Variants in BIN2 observed in about 807,000 individuals in gnomAD.
The protein encoded by BIN2 is bridging integrator 2, also known as breast cancer associated protein BRAP1.
Under a neutral mutation model 67.9 loss-of-function variants are expected in BIN2, and 43 were observed. The ratio of observed to expected loss-of-function variants is 0.63; its 90% confidence interval spans 0.50 to 0.82. The LOEUF is 0.82. Among genes scored for constraint, BIN2 ranks in the 40% least tolerant of loss-of-function variants. BIN2 has a pLI of 0.00. For synonymous variants in BIN2, 244 were observed against 246.8 expected, an observed-to-expected ratio of 0.99 and a Z score of 0.11; for missense variants, 581 against 671.6, an observed-to-expected ratio of 0.87 and a Z score of 1.49.
At chr12:51,323,922 G>T in intron 1 of BIN2, 100 bp downstream of exon 1, 1 of 1,467,432 alleles carries the variant, frequency 6.8e-7, no homozygotes, top group East Asian at 2.5e-5. Flanking sequence ...CAGACCCTTC[G>T]GGGCCCCTGA....
intron 5 of BIN2, among the ~76,000 whole-genome samples, chr12:51,301,591 C>T (rs1945726385): frequency 6.6e-6 from 1 of 152,100 alleles, no homozygotes; most frequent in African/African-American, 2.4e-5. Flanking sequence ...TCACTGCAAC[C>T]TCTCCCTCCC....
At chr12:51,289,740 G>C (rs1400431856) in intron 10 of BIN2, among the ~76,000 whole-genome samples, 1 of 151,618 alleles carries the variant, frequency 6.6e-6, no homozygotes, top group Non-Finnish European at 1.5e-5. Flanking sequence ...TTTGAGATAG[G>C]GTCTCACTCT....
chr12:51,305,309 T>A (rs7316604), intron 2 of BIN2, among the ~76,000 whole-genome samples: 18,981 of 142,066 alleles, frequency 0.13, 1,285 homozygotes, highest in East Asian at 0.24. Flanking sequence ...ATCTCAAAAA[T>A]AAATAAATAA....
intron 7 of BIN2, among the ~76,000 whole-genome samples, chr12:51,298,806 C>T (rs1025846328): frequency 3.3e-5 from 5 of 152,020 alleles, no homozygotes; most frequent in South Asian, 2.1e-4. Context: ...TGGTGGCTCA[C>T]GCCTGTAATC....
intron 1 of BIN2, among the ~76,000 whole-genome samples, chr12:51,315,174 A>T (rs112614027): frequency 0.071 from 10,351 of 146,122 alleles, 769 homozygotes; most frequent in African/African-American, 0.15. Context: ...TATTATTATT[A>T]TTTTTTTTTT....
chr12:51,304,345 A>G (rs754084508), intron 2 of BIN2: 1 of 152,260 alleles, frequency 6.6e-6, no homozygotes, highest in Non-Finnish European at 1.5e-5. Context: ...CTTGAAGACA[A>G]CTTGCATGTG....
intron 10 of BIN2, among the ~76,000 whole-genome samples, chr12:51,290,394 G>T (rs1945351123): frequency 6.6e-6 from 1 of 151,654 alleles, no homozygotes; most frequent in South Asian, 2.1e-4. Flanking sequence ...CTCCCAAAGT[G>T]CTGGAATTAC....
Position 51,281,206 on chromosome 12 carries a change from T to C in BIN2, c.*293A>G. ...TGTCTATAGATACTTTTGCTTTTTA[T>C]AGTGATTAAAGCTCCACTTTAGTTA... On this transcript the variant is annotated 3_prime_UTR_variant, in exon 13 of 13. Coordinates refer to ENST00000615107, the MANE Select transcript of BIN2 (RefSeq NM_016293.4). 2 of 425,426 alleles carry C rather than the reference T, an allele frequency of 4.7e-6. No homozygotes were observed. The allele number at this position is 425,426 out of a possible 1,614,324, so 26.4% of individuals were successfully genotyped here. A position where few individuals can be genotyped will look rare whatever the true frequency, so the allele number is the denominator to read the frequency against.
intron 8 of BIN2, 138 bp from the exon 9 acceptor site, chr12:51,296,016 G>A: frequency 1.5e-6 from 1 of 675,730 alleles, no homozygotes; most frequent in Non-Finnish European, 2.6e-6. Flanking sequence ...CTCTTCATCT[G>A]TCTAGCATTA....
intron 9 of BIN2, among the ~76,000 whole-genome samples, chr12:51,294,365 A>G (rs923694828): frequency 4.6e-5 from 7 of 152,124 alleles, no homozygotes; most frequent in African/African-American, 9.7e-5. Context: ...TCAGAAGTTC[A>G]AGACCAGCCT....
chr12:51,315,923 C>T (rs1244976345), intron 1 of BIN2, among the ~76,000 whole-genome samples: 1 of 152,092 alleles, frequency 6.6e-6, no homozygotes, highest in Non-Finnish European at 1.5e-5. Context: ...GAGTCTTCTG[C>T]CTATAACCCC....
At chr12:51,301,935 A>T in intron 5 of BIN2, 85 bp downstream of exon 5, 1 of 951,750 alleles carries the variant, frequency 1.1e-6, no homozygotes, top group Non-Finnish European at 1.7e-6. Context: ...GTGAGTTCTA[A>T]TTCTACTTAT....
intron 9 of BIN2, among the ~76,000 whole-genome samples, chr12:51,293,680 T>C (rs1945455587): frequency 6.6e-6 from 1 of 152,138 alleles, no homozygotes; most frequent in Non-Finnish European, 1.5e-5. Flanking sequence ...GAAAACGATA[T>C]ATAGGAAAGT....
At chr12:51,302,967 G>T in intron 3 of BIN2, 120 bp downstream of exon 3, 1 of 1,266,268 alleles carries the variant, frequency 7.9e-7, no homozygotes, top group South Asian at 1.2e-5. Context: ...AATTCCAGGA[G>T]TCAAGAGTAG....
chr12:51,316,504 GA>G (rs140118976), intron 1 of BIN2, among the ~76,000 whole-genome samples: 10 of 150,546 alleles, frequency 6.6e-5, no homozygotes, highest in Non-Finnish European at 1.0e-4. Context: ...AAAAAAAAGA[GA>G]AAAAAAAAGT....
intron 10 of BIN2, among the ~76,000 whole-genome samples, chr12:51,288,891 G>A (rs889538166): frequency 2.6e-5 from 4 of 151,552 alleles, no homozygotes; most frequent in East Asian, 1.9e-4. Flanking sequence ...CTGGGATTAC[G>A]GCACACACCA....
chr12:51,295,840 C>T lies in BIN2; in HGVS notation c.717G>A (p.Glu239=), dbSNP rs1320638482. ...CAAAGACTTTATTGGAATGTTGCTTCTCCAGTTTGCTCATCACCTCGTAGA... is the reference window on the plus strand; with the variant it reads ...CAAAGACTTTATTGGAATGTTGCTTTTCCAGTTTGCTCATCACCTCGTAGA... ...HNLYEVMSKL[E]KQHSNKVFVV... is the part of the protein sequence containing the mutation. The change falls in exon 9 of 13, where the codon GAG becomes GAA. Residue 239 remains glutamate, a synonymous_variant. Coordinates refer to ENST00000615107, the MANE Select transcript of BIN2 (RefSeq NM_016293.4). 1 of 1,613,288 alleles carries T rather than the reference C, an allele frequency of 6.2e-7. No individual in the cohort carries two copies. Among genetic ancestry groups the T allele is most frequent in the Non-Finnish European group, 8.5e-7 (1 of 1,179,648 alleles).
intron 1 of BIN2, chr12:51,322,965 G>C (rs1250565906): frequency 6.6e-6 from 1 of 152,198 alleles, no homozygotes; most frequent in East Asian, 1.9e-4. Context: ...GCTCAAAGCA[G>C]TGCTCCACTT....
chr12:51,290,837 G>A (rs1247932222), intron 10 of BIN2, among the ~76,000 whole-genome samples: 1 of 152,190 alleles, frequency 6.6e-6, no homozygotes, highest in Non-Finnish European at 1.5e-5. Flanking sequence ...GGAGGCTGAG[G>A]CAGGAAAATG....
Sources: allele counts gnomAD v4.1 joint callset (sites outside exome capture counted in the v4.1 genomes callset), GRCh38; gene constraint gnomAD v4.1.1; transcripts MANE v1.5; gene names NCBI Gene and HGNC (gene_info 2026-07-23, HGNC 2026-07-21).